The following KIAA0513 variants were observed in gnomAD, a reference collection of about 807,000 sequenced individuals.
The protein encoded by KIAA0513 is KIAA0513, also known as uncharacterized protein KIAA0513.
A neutral mutation model predicts 56.5 loss-of-function variants in KIAA0513; 39 were observed. The ratio of observed to expected loss-of-function variants is 0.69; its 90% CI spans 0.53 to 0.90. The LOEUF is 0.90. KIAA0513 is among the 40% of genes least tolerant of loss of function. KIAA0513 has a pLI of 0.00. For synonymous variants in KIAA0513, 268 were observed against 215.6 expected, an observed-to-expected ratio of 1.24 and a Z score of -2.13; for missense variants, 591 against 535.2, an observed-to-expected ratio of 1.10 and a Z score of -1.03.
intron 1 of KIAA0513, among the ~76,000 whole-genome samples, chr16:85,062,286 G>A (rs1021403694): frequency 4.0e-5 from 6 of 151,888 alleles, no homozygotes; most frequent in African/African-American, 1.2e-4. Flanking sequence ...CACAGTAACC[G>A]ATGCATAGTA....
intron 1 of KIAA0513, among the ~76,000 whole-genome samples, chr16:85,049,782 C>G (rs546146805): frequency 6.6e-6 from 1 of 152,164 alleles, no homozygotes; most frequent in African/African-American, 2.4e-5. Context: ...TACCCAGTCT[C>G]GGGTATTTCG....
At chr16:85,029,693 C>T (rs72803555) in intron 1 of KIAA0513, among the ~76,000 whole-genome samples, 17 of 152,318 alleles carry the variant, frequency 1.1e-4, no homozygotes, top group Admixed American at 3.3e-4. Flanking sequence ...GAAACACGAA[C>T]AGCAGCCTGG....
rs1367423756 is a variant in KIAA0513 at position 85,092,339 on chromosome 16, G to A, written c.*4014G>A. 6.6e-6 allele frequency: 1 copy of A among 152,302 alleles called. No homozygotes were observed. Among genetic ancestry groups the A allele is most frequent in the East Asian group, 1.9e-4 (1 of 5,188 alleles). 9.4% of individuals were successfully genotyped at this position (152,302 alleles called of 1,614,324 possible). On this transcript the variant is annotated 3_prime_UTR_variant, in exon 13 of 13. Transcript: ENST00000683363. ...CTAAAACCAGACCACAGCACAGCCA[G>A]GGAGCCCAGTAGTGTTTCCAAGAAC...
At chr16:85,041,374 G>C (rs1372155177) in intron 1 of KIAA0513, among the ~76,000 whole-genome samples, 9 of 152,112 alleles carry the variant, frequency 5.9e-5, no homozygotes, top group African/African-American at 2.2e-4. Flanking sequence ...CTTGAAAACC[G>C]CCCCAGGCAG....
At position 85,092,607 on chromosome 16, in the gene KIAA0513, C is replaced by A. The variant is rs1415786393; in HGVS notation, c.*4282C>A. 2.0e-5 allele frequency: 3 copies of A among 152,368 alleles called. No homozygotes were observed. In the East Asian group the frequency reaches 5.8e-4, roughly 29 times the overall value. The allele number at this position is 152,368 out of a possible 1,614,324, so 9.4% of individuals were successfully genotyped here. On this transcript the variant is annotated 3_prime_UTR_variant, in exon 13 of 13. Coordinates refer to ENST00000683363, the MANE Select transcript of KIAA0513 (RefSeq NM_001388359.1). The stretch of plus-strand genomic sequence containing the variant: ...TCCTTTTCCTGTCCCGTTTCCAGTC[C>A]CACTGAGCCATTCACTTCTGCTGAA...
chr16:85,029,855 G>A (rs1380206913), intron 1 of KIAA0513, among the ~76,000 whole-genome samples: 1 of 152,192 alleles, frequency 6.6e-6, no homozygotes, highest in Non-Finnish European at 1.5e-5. Context: ...TTCATTATAA[G>A]CTTGGCAGTC....
Position 85,066,998 on chromosome 16 carries a change from G to A in KIAA0513, c.-74G>A. On this transcript the variant is annotated 5_prime_UTR_variant, in exon 2 of 13. Coordinates refer to ENST00000683363, the MANE Select transcript of KIAA0513 (RefSeq NM_001388359.1). ...TTGGTGGGCTCCTACTAACGCACCT[G>A]GGACACCAGGCTGCTGGGCTCCCCT... is the stretch of plus-strand genomic sequence containing the variant. The A allele has an allele frequency of 7.3e-7, 1 of 1,372,130 alleles. No individual in the cohort carries two copies. The highest frequency in any genetic ancestry group is 9.8e-7 in the Non-Finnish European group (1 of 1,019,954). The allele number at this position is 1,372,130 out of a possible 1,614,324, so 85.0% of individuals were successfully genotyped here.
chr16:85,084,600 C>T (rs548443491), intron 10 of KIAA0513, among the ~76,000 whole-genome samples: 23 of 152,158 alleles, frequency 1.5e-4, no homozygotes, highest in African/African-American at 2.2e-4. Context: ...TGGCTCATTT[C>T]GTATTTTTAG....
chr16:85,055,048 G>A (rs150630956), intron 1 of KIAA0513, among the ~76,000 whole-genome samples: 84 of 151,664 alleles, frequency 5.5e-4, no homozygotes, highest in African/African-American at 1.3e-3. Context: ...TCAGCCTCCC[G>A]AGTAGCTGGG....
In KIAA0513 at chr16:85,081,647, A is replaced by G. The variant is rs2073745836; in HGVS notation, c.980+255A>G. Among the ~76,000 whole-genome samples, 1 of 151,738 alleles carries G rather than the reference A, an allele frequency of 6.6e-6. No homozygotes were observed. Among genetic ancestry groups the G allele is most frequent in the Non-Finnish European group, 1.5e-5 (1 of 67,936 alleles). ...TGGCCTGACCCTCCTAAAAATGCAA[A>G]CTCCCACTAAGACCATCAGGACCCC... On this transcript the variant is annotated intron_variant, in intron 9 of 12. Coordinates refer to ENST00000683363, the MANE Select transcript of KIAA0513 (RefSeq NM_001388359.1). This position sits in a 1 kb window ranked among gnomAD's most constrained non-coding sequence, Gnocchi z 4.4.
intron 1 of KIAA0513, among the ~76,000 whole-genome samples, chr16:85,050,971 C>A (rs2073245022): frequency 6.6e-6 from 1 of 152,074 alleles, no homozygotes; most frequent in African/African-American, 2.4e-5. Context: ...GCCTGGGTAA[C>A]ACAGTAAGAT....
chr16:85,075,489 G>A (rs2073642980), intron 4 of KIAA0513, among the ~76,000 whole-genome samples: 1 of 152,186 alleles, frequency 6.6e-6, no homozygotes, highest in Admixed American at 6.5e-5. Flanking sequence ...AGAAATCAAG[G>A]GCTGGAGGGC....
chr16:85,071,760 C>G (rs749879825), intron 2 of KIAA0513, 23 bp from the exon 3 acceptor site: 13 of 1,412,642 alleles, frequency 9.2e-6, no homozygotes, highest in Non-Finnish European at 1.2e-5. Context: ...TTTTTTTCCT[C>G]TGCTCTTTTT....
chr16:85,078,203 G>A (rs1456117271), intron 6 of KIAA0513, among the ~76,000 whole-genome samples: 2 of 152,208 alleles, frequency 1.3e-5, no homozygotes, highest in African/African-American at 4.8e-5. Flanking sequence ...TTTGGATTCA[G>A]AGAAAATGAC....
chr16:85,049,964 C>T (rs1254311509), intron 1 of KIAA0513, among the ~76,000 whole-genome samples: 5 of 152,220 alleles, frequency 3.3e-5, no homozygotes, highest in Non-Finnish European at 7.3e-5. Flanking sequence ...AAGTCGGTCT[C>T]TGTCCGAGTT....
intron 1 of KIAA0513, among the ~76,000 whole-genome samples, chr16:85,045,485 A>G (rs1034172952): frequency 7.2e-5 from 11 of 152,138 alleles, no homozygotes; most frequent in African/African-American, 2.2e-4. Context: ...CCTCCCGAGT[A>G]GCTGGGATTA....
chr16:85,088,440 A>G lies in KIAA0513; in HGVS notation c.*115A>G. On this transcript the variant is annotated 3_prime_UTR_variant, in exon 13 of 13. Coordinates refer to ENST00000683363, the MANE Select transcript of KIAA0513 (RefSeq NM_001388359.1). ...CATGAAGCCAGCAGCACCCAGAGCCACTCCTGCTGCCCTAGAACTAGCGGT... is the reference window on the plus strand; with the variant it reads ...CATGAAGCCAGCAGCACCCAGAGCCGCTCCTGCTGCCCTAGAACTAGCGGT... 2.5e-6 allele frequency: 2 copies of G among 812,754 alleles called. No homozygotes were observed. Among genetic ancestry groups the G allele is most frequent in the Non-Finnish European group, 4.1e-6 (2 of 487,882 alleles). The allele number at this position is 812,754 out of a possible 1,614,324, so 50.3% of individuals were successfully genotyped here. A position where few individuals can be genotyped will look rare whatever the true frequency, so the allele number is the denominator to read the frequency against.
Position 85,091,829 on chromosome 16 carries a change from C to T in KIAA0513, c.*3504C>T, listed in dbSNP as rs1188611430. On this transcript the variant is annotated 3_prime_UTR_variant, in exon 13 of 13. Transcript: ENST00000683363. ...ACCCCTGACATGAGGAATGCAGGTT[C>T]ACACTGTAAAGAGTTTGTGAAAGGT... 1 of 152,168 alleles carries T rather than the reference C, an allele frequency of 6.6e-6. No homozygotes were observed. Among genetic ancestry groups the T allele is most frequent in the Non-Finnish European group, 1.5e-5 (1 of 68,080 alleles). The allele number at this position is 152,168 out of a possible 1,614,324, so 9.4% of individuals were successfully genotyped here.
Position 85,076,377 on chromosome 16 carries a change from G to A in KIAA0513, c.574+463G>A, listed in dbSNP as rs2073655814. 2.6e-5 allele frequency among the ~76,000 whole-genome samples: 4 copies of A among 152,302 alleles called. No homozygotes were observed. Among genetic ancestry groups the A allele is most frequent in the African/African-American group, 4.8e-5 (2 of 41,560 alleles). The stretch of plus-strand genomic sequence containing the variant: ...GGGCTGGAGATGGCTTATGAGGAGT[G>A]CGGACTGTGCTTGATGCTGAGGCTA... On this transcript the variant is annotated intron_variant, in intron 5 of 12. Transcript: ENST00000683363. This position sits in a 1 kb window ranked among gnomAD's most constrained non-coding sequence, Gnocchi z 4.7.
Sources: allele counts gnomAD v4.1 joint callset (sites outside exome capture counted in the v4.1 genomes callset), GRCh38; gene constraint gnomAD v4.1.1; non-coding constraint Gnocchi (gnomAD v3.1); transcripts MANE v1.5; gene names NCBI Gene and HGNC (gene_info 2026-07-23, HGNC 2026-07-21).